SLC35F1: variants seen among roughly 807,000 people sequenced by gnomAD.
SLC35F1 encodes chromosome 6 open reading frame 169.
Under a neutral mutation model 48.7 loss-of-function variants are expected in SLC35F1, and 14 were observed. That is an observed-to-expected ratio of 0.29 (90% CI 0.19 to 0.45). SLC35F1 has a LOEUF of 0.45. Among genes scored for constraint, SLC35F1 ranks in the 20% least tolerant of loss-of-function variants. The pLI, the probability that SLC35F1 is intolerant of heterozygous loss-of-function variation, is 1.00. For missense variants in SLC35F1, 404 were observed against 500.0 expected (o/e 0.81, Z 1.83); for synonymous variants, 190 against 202.2 (o/e 0.94, Z 0.51).
intron 2 of SLC35F1, among the ~76,000 whole-genome samples, chr6:118,205,486 C>T (rs1774923597): frequency 6.6e-6 from 1 of 152,122 alleles, no homozygotes; most frequent in African/African-American, 2.4e-5. Flanking sequence ...GACAATAATA[C>T]AAACAAAAAC....
chr6:118,240,485 G>A (rs764103073), intron 3 of SLC35F1, among the ~76,000 whole-genome samples: 20 of 152,140 alleles, frequency 1.3e-4, no homozygotes, highest in African/African-American at 2.2e-4. Flanking sequence ...TGAATACTTC[G>A]TGTTCAAGAC....
chr6:118,031,224 T>C (rs1398218749), intron 1 of SLC35F1, among the ~76,000 whole-genome samples: 1 of 152,222 alleles, frequency 6.6e-6, no homozygotes, highest in African/African-American at 2.4e-5. Flanking sequence ...GCCTGGTTTC[T>C]TTATCCCTTA....
chr6:118,281,204 C>CTATA (rs1554244292), intron 6 of SLC35F1, among the ~76,000 whole-genome samples: 9,465 of 130,220 alleles, frequency 0.073, 379 homozygotes, highest in Middle Eastern at 0.1. Flanking sequence ...CTCTCTCTCT[C>CTATA]TATATATATA....
chr6:118,259,569 A>C (rs1230720803), intron 3 of SLC35F1, among the ~76,000 whole-genome samples: 1 of 152,098 alleles, frequency 6.6e-6, no homozygotes, highest in Non-Finnish European at 1.5e-5. Context: ...AATAATTTGA[A>C]TAGATATTTT....
chr6:117,966,134 C>CG lies in SLC35F1; in HGVS notation c.173+58235_173+58236insG, dbSNP rs778455696. Among the ~76,000 whole-genome samples, 6 of 59,986 alleles carry CG rather than the reference C, an allele frequency of 1.0e-4. 2 individuals are homozygous for CG. The highest frequency in any genetic ancestry group is 9.0e-4 in the East Asian group (1 of 1,112). The allele number at this position is 59,986 out of a possible 152,430, so 39.4% of individuals were successfully genotyped here. A position where few individuals can be genotyped will look rare whatever the true frequency, so the allele number is the denominator to read the frequency against. On this transcript the variant is annotated intron_variant, in intron 1 of 7. Coordinates refer to ENST00000360388, the MANE Select transcript of SLC35F1 (RefSeq NM_001029858.4). Reference sequence around the variant, plus strand: ...AAGGGAATAAAAGCAGGCCACCGCCCCCCCCCCCACTCCCGCCCCGCCCCA... The same window carrying CG: ...AAGGGAATAAAAGCAGGCCACCGCCCGCCCCCCCCACTCCCGCCCCGCCCCA...
In SLC35F1 at chr6:118,235,873, T is replaced by G. The variant is rs559206336; in HGVS notation, c.477+237T>G. ...TATATGTCTTAATAATCCTTTAAAT[T>G]TAAGTGTAATTGGACATATGTTTTC... On this transcript the variant is annotated intron_variant, in intron 3 of 7. Coordinates refer to ENST00000360388, the MANE Select transcript of SLC35F1 (RefSeq NM_001029858.4). Among the ~76,000 whole-genome samples, 5 of 152,278 alleles carry G rather than the reference T, an allele frequency of 3.3e-5. No homozygotes were observed. The East Asian group carries it at 9.6e-4, about 29-fold the overall frequency.
intron 1 of SLC35F1, among the ~76,000 whole-genome samples, chr6:117,978,034 C>A (rs893727451): frequency 1.3e-5 from 2 of 152,078 alleles, no homozygotes; most frequent in Admixed American, 6.5e-5. Context: ...GTACCAAAGT[C>A]TTTTCTGATA....
chr6:118,020,882 G>T (rs1777385501), intron 1 of SLC35F1, among the ~76,000 whole-genome samples: 1 of 152,150 alleles, frequency 6.6e-6, no homozygotes, highest in Non-Finnish European at 1.5e-5. Flanking sequence ...TGAGAAAATT[G>T]ACTGGTGTGG....
At chr6:118,022,895 C>A (rs753905302) in intron 1 of SLC35F1, among the ~76,000 whole-genome samples, 6 of 151,968 alleles carry the variant, frequency 3.9e-5, no homozygotes, top group Non-Finnish European at 7.4e-5. Flanking sequence ...GGACTACAGG[C>A]GTGTACCACT....
At chr6:117,943,973 C>G (rs940347395) in intron 1 of SLC35F1, among the ~76,000 whole-genome samples, 1 of 152,154 alleles carries the variant, frequency 6.6e-6, no homozygotes, top group Non-Finnish European at 1.5e-5. Flanking sequence ...GAGAATGTTT[C>G]TTCACCATCC....
chr6:118,284,385 G>T (rs554172666), intron 6 of SLC35F1, among the ~76,000 whole-genome samples: 52 of 152,162 alleles, frequency 3.4e-4, no homozygotes, highest in Non-Finnish European at 6.5e-4. Context: ...TCAACATTTG[G>T]GGAAAGTATA....
intron 1 of SLC35F1, among the ~76,000 whole-genome samples, chr6:118,015,836 C>T (rs140947949): frequency 6.6e-6 from 1 of 152,134 alleles, no homozygotes; most frequent in Non-Finnish European, 1.5e-5. Flanking sequence ...CTTTACCAGA[C>T]TAAAAGCTCC....
At chr6:118,120,301 A>C (rs1197979995) in intron 1 of SLC35F1, among the ~76,000 whole-genome samples, 1 of 152,200 alleles carries the variant, frequency 6.6e-6, no homozygotes, top group East Asian at 1.9e-4. Context: ...TTGCATGAAT[A>C]CCATGTCCTT....
At chr6:118,224,855 A>T (rs1021888852) in intron 2 of SLC35F1, among the ~76,000 whole-genome samples, 1 of 152,172 alleles carries the variant, frequency 6.6e-6, no homozygotes, top group Non-Finnish European at 1.5e-5. Flanking sequence ...ATGTGTGTAC[A>T]AGGCTAATTT....
intron 1 of SLC35F1, among the ~76,000 whole-genome samples, chr6:118,023,734 T>A (rs1777428513): frequency 6.6e-6 from 1 of 152,202 alleles, no homozygotes; most frequent in Admixed American, 6.5e-5. Context: ...GTTATCATCT[T>A]AAGCACAGTA....
chr6:118,258,808 G>A (rs1582756158), intron 3 of SLC35F1, among the ~76,000 whole-genome samples: 1 of 151,924 alleles, frequency 6.6e-6, no homozygotes, highest in African/African-American at 2.4e-5. Context: ...AACAGATGCA[G>A]TGAGAAGGTT....
intron 1 of SLC35F1, among the ~76,000 whole-genome samples, chr6:117,913,164 C>T (rs1341874417): frequency 6.6e-6 from 1 of 152,082 alleles, no homozygotes; most frequent in Non-Finnish European, 1.5e-5. Context: ...ATGAGCATGC[C>T]CTGTACATTG....
rs528554989 is a variant in SLC35F1 at position 118,129,067 on chromosome 6, A to C, written c.174-25378A>C. ...CTATGTGAGAGGCAAGGTGCTTGGA[A>C]GGCAAGATAAAGCAATGCACAAGAG... On this transcript the variant is annotated intron_variant, in intron 1 of 7. Coordinates refer to ENST00000360388, the MANE Select transcript of SLC35F1 (RefSeq NM_001029858.4). Among the ~76,000 whole-genome samples, 12 of 152,304 alleles carry C rather than the reference A, an allele frequency of 7.9e-5. 1 individual carries two copies. The highest frequency in any genetic ancestry group is 2.9e-4 in the African/African-American group (12 of 41,576).
intron 1 of SLC35F1, among the ~76,000 whole-genome samples, chr6:117,999,977 A>G (rs934691170): frequency 6.6e-6 from 1 of 151,624 alleles, no homozygotes; most frequent in African/African-American, 2.4e-5. Context: ...AACCAAAAAG[A>G]GTCCAGGACC....
Sources: gnomAD v4.1 joint callset for allele counts (sites outside exome capture counted in the v4.1 genomes callset) on GRCh38, gnomAD v4.1.1 for gene constraint, MANE v1.5 for transcripts, NCBI Gene and HGNC (gene_info 2026-07-23, HGNC 2026-07-21) for gene names.